Variants in MAST2 observed in about 807,000 individuals in gnomAD.
MAST2 encodes microtubule-associated serine/threonine-protein kinase 2.
Under a neutral mutation model 147.4 loss-of-function variants are expected in MAST2, and 70 were observed. The ratio of observed to expected loss-of-function variants is 0.47; its 90% CI spans 0.39 to 0.58. The LOEUF is 0.58. Among genes scored for constraint, MAST2 ranks in the 20% least tolerant of loss-of-function variants. MAST2 has a pLI of 0.00. For missense variants in MAST2, 2,080 were observed against 2,302.3 expected, an observed-to-expected ratio of 0.90 and a Z score of 1.98; for synonymous variants, 869 against 896.8, an observed-to-expected ratio of 0.97 and a Z score of 0.55.
chr1:45,955,559 A>G (rs932725219), intron 4 of MAST2, among the ~76,000 whole-genome samples: 5 of 152,132 alleles, frequency 3.3e-5, no homozygotes, highest in African/African-American at 4.8e-5. Flanking sequence ...AGGGTTTGCA[A>G]TTTTAAATAG....
intron 18 of MAST2, chr1:46,029,151 G>C (rs1160264467): frequency 7.0e-6 from 4 of 568,930 alleles, no homozygotes; most frequent in Admixed American, 3.3e-5. Context: ...ATAGACACCT[G>C]GTCTCTCATA....
At chr1:45,897,492 T>G (rs1557880231) in intron 4 of MAST2, among the ~76,000 whole-genome samples, 1 of 152,152 alleles carries the variant, frequency 6.6e-6, no homozygotes, top group Non-Finnish European at 1.5e-5. Context: ...AAATAAATTT[T>G]TTAAAGGTGA....
intron 4 of MAST2, among the ~76,000 whole-genome samples, chr1:45,922,488 A>C (rs913263070): frequency 3.9e-5 from 6 of 152,182 alleles, no homozygotes; most frequent in Non-Finnish European, 8.8e-5. Context: ...GGAGGGGGCC[A>C]AAGTGGCAAG....
At chr1:45,808,349 G>A (rs1644199791) in intron 1 of MAST2, among the ~76,000 whole-genome samples, 1 of 152,080 alleles carries the variant, frequency 6.6e-6, no homozygotes, top group Non-Finnish European at 1.5e-5. Context: ...TCCTGTCTCA[G>A]CCTCCTGAGT....
In MAST2 at chr1:46,034,777, G is replaced by A. The variant is rs894151260; in HGVS notation, c.4108G>A (p.Val1370Ile). Residue 1370 changes from valine to isoleucine, a missense_variant, in exon 29 of 29, where the codon GTA (valine) becomes ATA (isoleucine). By Grantham distance (29) the Val-to-Ile change is conservative. This residue lies in a region of MAST2 where 1,278 missense variants were observed against 1,304.2 expected (regional missense o/e 0.98). Transcript: ENST00000361297. ...QRSPSPLSGH[V>I]AQAFPTKLHL... ...GTCCCCATCGCCCCTGTCTGGCCAT[G>A]TAGCCCAGGCCTTTCCCACAAAGCT... The A allele has an allele frequency of 1.2e-6, 2 of 1,613,840 alleles. No homozygotes were observed. Among genetic ancestry groups the A allele is most frequent in the African/African-American group, 1.3e-5 (1 of 75,006 alleles).
chr1:45,854,326 C>A (rs923669766), intron 3 of MAST2, among the ~76,000 whole-genome samples: 3 of 116,298 alleles, frequency 2.6e-5, no homozygotes, highest in African/African-American at 1.1e-4. Context: ...GACAGAGTGA[C>A]CCTCTGTCTC....
chr1:45,912,448 T>G (rs1035502735), intron 4 of MAST2, among the ~76,000 whole-genome samples: 6 of 152,386 alleles, frequency 3.9e-5, no homozygotes, highest in African/African-American at 1.4e-4. Context: ...GTATATGTAC[T>G]TTTTGTGTGC....
At chr1:45,817,592 T>G (rs1644495048) in intron 1 of MAST2, among the ~76,000 whole-genome samples, 1 of 152,150 alleles carries the variant, frequency 6.6e-6, no homozygotes, top group Non-Finnish European at 1.5e-5. Context: ...TTCTTCAATC[T>G]GAAAGAAAAG....
chr1:46,000,381 T>G (rs928203330), intron 6 of MAST2, among the ~76,000 whole-genome samples: 4 of 152,146 alleles, frequency 2.6e-5, no homozygotes, highest in African/African-American at 9.7e-5. Context: ...GGTGGCTATG[T>G]AAAGCCTCTC....
chr1:45,836,550 G>A (rs974206735), intron 3 of MAST2, among the ~76,000 whole-genome samples: 3 of 151,980 alleles, frequency 2.0e-5, no homozygotes, highest in African/African-American at 7.2e-5. Context: ...ACCCATAGAC[G>A]TTTGTTTTAC....
intron 3 of MAST2, among the ~76,000 whole-genome samples, chr1:45,842,104 T>A (rs1234600581): frequency 2.6e-5 from 4 of 152,164 alleles, no homozygotes; most frequent in Non-Finnish European, 4.4e-5. Context: ...TGTATTCTTC[T>A]GTGTCGAACT....
At chr1:45,998,125 A>G (rs936367678) in intron 6 of MAST2, among the ~76,000 whole-genome samples, 1 of 152,096 alleles carries the variant, frequency 6.6e-6, no homozygotes, top group Non-Finnish European at 1.5e-5. Flanking sequence ...TTATACTCTC[A>G]ATTTAGAACT....
rs1390241236 is a variant in MAST2 at position 46,023,160 on chromosome 1, A to G, written c.1486-73A>G. 12 of 1,402,944 alleles carry G rather than the reference A, an allele frequency of 8.6e-6. No individual in the cohort carries two copies. The highest frequency in any genetic ancestry group is 1.4e-5 in the African/African-American group (1 of 70,528). 86.9% of individuals were successfully genotyped at this position (1,402,944 alleles called of 1,614,324 possible). ...TAGAGCTGACAGCTGAGAAGATGCT[A>G]GAGCCACAGCTTCTGCAAGGATATG... On this transcript the variant is annotated intron_variant, in intron 13 of 28. Transcript: ENST00000361297. The surrounding 1 kb of genome is among the most constrained non-coding windows in gnomAD (Gnocchi z 4.9).
At chr1:45,954,940 A>T (rs1296414681) in intron 4 of MAST2, among the ~76,000 whole-genome samples, 5 of 150,024 alleles carry the variant, frequency 3.3e-5, no homozygotes, top group African/African-American at 1.2e-4. Flanking sequence ...AGACACAAGG[A>T]TTTAGATATA....
intron 4 of MAST2, among the ~76,000 whole-genome samples, chr1:45,920,540 C>T (rs1313969973): frequency 1.3e-5 from 2 of 151,998 alleles, no homozygotes; most frequent in Non-Finnish European, 2.9e-5. Context: ...TCTCTGATTC[C>T]CCATAATGAT....
At chr1:45,948,017 C>T (rs1658338662) in intron 4 of MAST2, among the ~76,000 whole-genome samples, 1 of 151,946 alleles carries the variant, frequency 6.6e-6, no homozygotes, top group Non-Finnish European at 1.5e-5. Context: ...CGCCTGGCCC[C>T]AAAAGCTTCT....
At chr1:45,932,125 C>CT (rs1201537737) in intron 4 of MAST2, among the ~76,000 whole-genome samples, 6 of 152,222 alleles carry the variant, frequency 3.9e-5, no homozygotes, top group East Asian at 1.9e-4. Flanking sequence ...TGAAGTTACT[C>CT]TTTTTTTCCC....
chr1:45,856,612 C>A (rs1645798716), intron 3 of MAST2, among the ~76,000 whole-genome samples: 1 of 152,012 alleles, frequency 6.6e-6, no homozygotes, highest in South Asian at 2.1e-4. Flanking sequence ...GTTAAAAAAA[C>A]GTTCTGTCTT....
intron 5 of MAST2, among the ~76,000 whole-genome samples, chr1:45,964,846 G>A (rs1219961860): frequency 1.3e-5 from 2 of 151,970 alleles, no homozygotes; most frequent in Non-Finnish European, 1.5e-5. Flanking sequence ...GCTTTCTCTT[G>A]TGGGCATTTA....
Sources: allele counts gnomAD v4.1 joint callset (sites outside exome capture counted in the v4.1 genomes callset), GRCh38; gene constraint gnomAD v4.1.1; regional missense constraint gnomAD v4.1.1; non-coding constraint Gnocchi (gnomAD v3.1); transcripts MANE v1.5; gene names NCBI Gene and HGNC (gene_info 2026-07-23, HGNC 2026-07-21).